UGP2: variants seen among roughly 807,000 people sequenced by gnomAD.
The protein encoded by UGP2 is UDP-glucose pyrophosphorylase 2.
In UGP2, 40 loss-of-function variants were observed where a neutral mutation model predicts 49.0. The ratio of observed to expected loss-of-function variants is 0.82; its 90% confidence interval spans 0.63 to 1.06. UGP2 has a LOEUF of 1.06. Ranked by LOEUF, UGP2 falls within the 50% of genes least tolerant of loss-of-function variation. The pLI is 0.00. For synonymous variants in UGP2, 225 were observed against 213.0 expected, an observed-to-expected ratio of 1.06 and a Z score of -0.49; for missense variants, 460 against 603.5, an observed-to-expected ratio of 0.76 and a Z score of 2.49.
intron 3 of UGP2, among the ~76,000 whole-genome samples, chr2:63,866,528 A>T (rs1295278946): frequency 6.6e-6 from 1 of 152,150 alleles, no homozygotes; most frequent in African/African-American, 2.4e-5. Context: ...CTGAGACTTG[A>T]AGTATGAGTA....
At chr2:63,862,540 A>G (rs553895406) in intron 3 of UGP2, among the ~76,000 whole-genome samples, 2 of 152,216 alleles carry the variant, frequency 1.3e-5, no homozygotes, top group Admixed American at 1.3e-4. Context: ...CATGTCTATA[A>G]TTTCACTTTA....
At chr2:63,856,825 T>A (rs1211350604) in intron 2 of UGP2, 1 of 458,650 alleles carries the variant, frequency 2.2e-6, no homozygotes, top group Non-Finnish European at 4.4e-6. Context: ...CTTTGACAAT[T>A]GTCATAGAAG....
chr2:63,873,904 T>G (rs986175474), intron 3 of UGP2, among the ~76,000 whole-genome samples: 1 of 152,214 alleles, frequency 6.6e-6, no homozygotes, highest in African/African-American at 2.4e-5. Context: ...GGCTTCTCTG[T>G]CTGGCTGCTC....
intron 3 of UGP2, among the ~76,000 whole-genome samples, chr2:63,863,249 A>G (rs375005100): frequency 7.9e-5 from 12 of 152,334 alleles, no homozygotes; most frequent in East Asian, 3.9e-4. Context: ...TTCTAGATAC[A>G]GTAAGGTTTA....
intron 1 of UGP2, among the ~76,000 whole-genome samples, chr2:63,853,725 C>A (rs1164189692): frequency 1.3e-5 from 2 of 152,096 alleles, no homozygotes; most frequent in African/African-American, 4.8e-5. Context: ...GAAATGAGAT[C>A]CATGAATTAA....
intron 1 of UGP2, among the ~76,000 whole-genome samples, chr2:63,852,590 TG>T (rs947854767): frequency 6.6e-6 from 1 of 152,102 alleles, no homozygotes; most frequent in African/African-American, 2.4e-5. Context: ...AGTGATATGA[TG>T]GGGGTTGCAG....
In UGP2 at chr2:63,885,695, G is replaced by T. The variant is rs1406965756; in HGVS notation, c.682G>T (p.Ala228Ser). ...CCCTCCAGGTCATGGTGATATTTACGCCAGTTTCTACAACTCTGGATTGCT... is the reference window on the plus strand; with the variant it reads ...CCCTCCAGGTCATGGTGATATTTACTCCAGTTTCTACAACTCTGGATTGCT... Reference protein sequence around the residue: ...WYPPGHGDIYASFYNSGLLDT... With the variant: ...WYPPGHGDIYSSFYNSGLLDT... Residue 228 changes from alanine to serine, a missense_variant, in exon 6 of 10, where the codon GCC becomes TCC. Around this residue, in one of 2 missense-constraint regions of UGP2, gnomAD observed 317 missense variants for 473.0 expected, o/e 0.67. Transcript: ENST00000337130. 4 of 1,613,650 alleles carry T rather than the reference G, an allele frequency of 2.5e-6. No homozygotes were observed. The highest frequency in any genetic ancestry group is 2.7e-5 in the African/African-American group (2 of 74,836).
Position 63,885,905 on chromosome 2 carries a change from C to G in UGP2, c.873+19C>G. ...TGTAAAGGTAAATACCGAGAGGAAG[C>G]AGTTTAGGGCTTCATGTTTTCACAT... On this transcript the variant is annotated intron_variant, in intron 6 of 9. Coordinates refer to ENST00000337130, the MANE Select transcript of UGP2 (RefSeq NM_006759.4). The G allele has an allele frequency of 2.0e-6, 3 of 1,514,490 alleles. No homozygotes were observed. The highest frequency in any genetic ancestry group is 1.8e-6 in the Non-Finnish European group (2 of 1,136,612). The allele number at this position is 1,514,490 out of a possible 1,614,324, so 93.8% of individuals were successfully genotyped here.
At chr2:63,854,243 A>G (rs919865138) in intron 1 of UGP2, among the ~76,000 whole-genome samples, 12 of 152,210 alleles carry the variant, frequency 7.9e-5, no homozygotes, top group Admixed American at 1.3e-4. Flanking sequence ...CCTCCCATCT[A>G]TAAAAATGTT....
At chr2:63,874,412 G>A (rs1670768042) in intron 3 of UGP2, among the ~76,000 whole-genome samples, 3 of 152,224 alleles carry the variant, frequency 2.0e-5, no homozygotes, top group South Asian at 2.1e-4. Context: ...GCAGGCTTCT[G>A]TCTTAGCAGC....
intron 1 of UGP2, among the ~76,000 whole-genome samples, chr2:63,853,458 G>T (rs924974451): frequency 6.6e-6 from 1 of 151,984 alleles, no homozygotes; most frequent in East Asian, 1.9e-4. Context: ...GTCATTTCCC[G>T]ATTTAAGATT....
intron 8 of UGP2, chr2:63,888,370 T>C (rs1490615548): frequency 6.6e-6 from 1 of 152,218 alleles, no homozygotes; most frequent in Non-Finnish European, 1.5e-5. Flanking sequence ...CTAATTGATA[T>C]AAACAAGAGT....
At chr2:63,872,612 T>G (rs1670631338) in intron 3 of UGP2, among the ~76,000 whole-genome samples, 1 of 152,204 alleles carries the variant, frequency 6.6e-6, no homozygotes, top group Non-Finnish European at 1.5e-5. Flanking sequence ...TACTATATTT[T>G]ACTGTCTCAT....
At chr2:63,843,328 A>G (rs1460056015) in intron 1 of UGP2, among the ~76,000 whole-genome samples, 1 of 152,232 alleles carries the variant, frequency 6.6e-6, no homozygotes, top group Non-Finnish European at 1.5e-5. Flanking sequence ...AGACTTTCAA[A>G]TTCATGTTAT....
At chr2:63,853,372 TAATC>T (rs772699183) in intron 1 of UGP2, among the ~76,000 whole-genome samples, 12 of 152,148 alleles carry the variant, frequency 7.9e-5, no homozygotes, top group Non-Finnish European at 1.5e-4. Flanking sequence ...TGTCTTGAAA[TAATC>T]AAGATAGCTT....
intron 3 of UGP2, among the ~76,000 whole-genome samples, chr2:63,877,627 T>C (rs1670993398): frequency 6.6e-6 from 1 of 152,236 alleles, no homozygotes; most frequent in Non-Finnish European, 1.5e-5. Context: ...TCAGTTTTCA[T>C]TGCATAAACA....
chr2:63,873,570 C>T (rs1015741328), intron 3 of UGP2, among the ~76,000 whole-genome samples: 6 of 151,864 alleles, frequency 4.0e-5, no homozygotes, highest in African/African-American at 1.2e-4. Context: ...TGTAAATCGC[C>T]GGTCTTAGCT....
intron 3 of UGP2, among the ~76,000 whole-genome samples, chr2:63,873,280 C>T (rs1418511046): frequency 6.6e-6 from 1 of 152,228 alleles, no homozygotes; most frequent in Non-Finnish European, 1.5e-5. Flanking sequence ...TCTCAAACCA[C>T]ATCACAGCAT....
intron 1 of UGP2, chr2:63,842,670 T>C (rs1671650321): frequency 7.4e-7 from 1 of 1,356,330 alleles, no homozygotes; most frequent in Non-Finnish European, 9.6e-7. Context: ...TGTACGTGGT[T>C]TGCGTCTCAG....
Sources: gnomAD v4.1 joint callset for allele counts (sites outside exome capture counted in the v4.1 genomes callset) on GRCh38, gnomAD v4.1.1 for gene constraint, gnomAD v4.1.1 regional missense constraint, MANE v1.5 for transcripts, NCBI Gene and HGNC (gene_info 2026-07-23, HGNC 2026-07-21) for gene names.